The following DPY19L4 variants were observed in gnomAD, a reference collection of about 807,000 sequenced individuals.
DPY19L4 encodes the protein dpy-19 like 4, also known as probable C-mannosyltransferase DPY19L4.
A neutral mutation model predicts 102.8 loss-of-function variants in DPY19L4; 97 were observed. The observed-to-expected ratio is 0.94, with a 90% confidence interval of 0.80 to 1.12. The LOEUF is 1.12. Ranked by LOEUF, DPY19L4 falls within the 50% of genes most tolerant of loss-of-function variation. The pLI, the probability that DPY19L4 is intolerant of heterozygous loss-of-function variation, is 0.00. For missense variants in DPY19L4, 815 were observed against 850.4 expected (o/e 0.96, Z 0.52); for synonymous variants, 252 against 283.1 (o/e 0.89, Z 1.10).
At chr8:94,773,908 G>A (rs1196598023) in intron 13 of DPY19L4, among the ~76,000 whole-genome samples, 3 of 148,934 alleles carry the variant, frequency 2.0e-5, no homozygotes, top group African/African-American at 5.0e-5. Context: ...GGTGGCATGC[G>A]TCTGTGGTCC....
At chr8:94,731,495 C>A (rs1258088631) in intron 2 of DPY19L4, among the ~76,000 whole-genome samples, 1 of 152,122 alleles carries the variant, frequency 6.6e-6, no homozygotes, top group East Asian at 1.9e-4. Flanking sequence ...CAGCTCACTG[C>A]AACCTCCACC....
chr8:94,735,035 T>C (rs573140300), intron 3 of DPY19L4, among the ~76,000 whole-genome samples: 3 of 152,226 alleles, frequency 2.0e-5, no homozygotes, highest in Non-Finnish European at 4.4e-5. Context: ...ATAGTTTTGA[T>C]AGATAGTTCA....
chr8:94,740,083 G>A (rs1811377498), intron 6 of DPY19L4, among the ~76,000 whole-genome samples: 1 of 152,224 alleles, frequency 6.6e-6, no homozygotes, highest in Non-Finnish European at 1.5e-5. Context: ...ATGAAGCAAG[G>A]AGGAAATGAA....
intron 1 of DPY19L4, among the ~76,000 whole-genome samples, chr8:94,721,189 G>T (rs766873807): frequency 2.4e-4 from 37 of 152,238 alleles, no homozygotes; most frequent in Non-Finnish European, 3.2e-4. Context: ...CAGGTGATCC[G>T]CCCACCTCGG....
At chr8:94,785,896 T>C (rs1432672789) in intron 17 of DPY19L4, among the ~76,000 whole-genome samples, 2 of 152,226 alleles carry the variant, frequency 1.3e-5, no homozygotes, top group South Asian at 2.1e-4. Context: ...TTTTCTAATA[T>C]GGAATTTCAG....
Sources: gnomAD v4.1 joint callset for allele counts (sites outside exome capture counted in the v4.1 genomes callset) on GRCh38, gnomAD v4.1.1 for gene constraint, MANE v1.5 for transcripts, NCBI Gene and HGNC (gene_info 2026-07-23, HGNC 2026-07-21) for gene names.